Variants in EFHC1 observed in about 807,000 individuals in gnomAD.
The protein encoded by EFHC1 is EF-hand domain containing 1.
Under a neutral mutation model 69.9 loss-of-function variants are expected in EFHC1, and 53 were observed. That is an observed-to-expected ratio of 0.76 (90% CI 0.61 to 0.95). The LOEUF (loss-of-function observed/expected upper bound fraction) is 0.95. Among genes scored for constraint, EFHC1 ranks in the 40% least tolerant of loss-of-function variants. The pLI is 0.00. For synonymous variants in EFHC1, 256 were observed against 278.4 expected, an observed-to-expected ratio of 0.92 and a Z score of 0.80; for missense variants, 739 against 798.7, an observed-to-expected ratio of 0.93 and a Z score of 0.90.
intron 3 of EFHC1, among the ~76,000 whole-genome samples, chr6:52,439,498 T>C (rs904945032): frequency 6.6e-6 from 1 of 152,200 alleles, no homozygotes; most frequent in African/African-American, 2.4e-5. Context: ...TATGACAAGC[T>C]AATAGTGCAC....
chr6:52,479,590 T>C lies in EFHC1; in HGVS notation c.1493-50T>C, dbSNP rs772155755. The C allele has an allele frequency of 1.9e-5, 30 of 1,613,356 alleles. No homozygotes were observed. The South Asian group carries it at 2.1e-4, about 11-fold the overall frequency. On this transcript the variant is annotated intron_variant, in intron 8 of 10. Transcript: ENST00000371068. ...AGGGTTAATACTATTTTACTCCTGA[T>C]TGCGTGAGAGAACATCACCAAGCTA...
At chr6:52,438,229 G>A in intron 2 of EFHC1, 75 bp from the exon 3 acceptor site, 2 of 1,420,488 alleles carry the variant, frequency 1.4e-6, no homozygotes, top group Non-Finnish European at 1.9e-6. Flanking sequence ...CTGTTTTCAG[G>A]AAGGTACTTG....
intron 5 of EFHC1, among the ~76,000 whole-genome samples, chr6:52,455,447 G>C (rs1765022786): frequency 6.6e-6 from 1 of 152,138 alleles, no homozygotes; most frequent in Non-Finnish European, 1.5e-5. Flanking sequence ...GAAGTCAGGA[G>C]ATCGAGACCA....
rs1766084568 is a variant in EFHC1, at chr6:52,497,121, C to G, written c.*4780C>G. 1 of 146,460 alleles carries G rather than the reference C, an allele frequency of 6.8e-6. No homozygotes were observed. Among genetic ancestry groups the G allele is most frequent in the South Asian group, 2.2e-4 (1 of 4,522 alleles). 9.1% of individuals were successfully genotyped at this position (146,460 alleles called of 1,614,324 possible). On this transcript the variant is annotated 3_prime_UTR_variant, in exon 11 of 11. Coordinates refer to ENST00000371068, the MANE Select transcript of EFHC1 (RefSeq NM_018100.4). ...TCTGGAGCTTCCTACCCACAAACCC[C>G]ATGTTAAGAAAACCTCTTTTCCACT...
chr6:52,467,800 A>C (rs1466940731), intron 6 of EFHC1, among the ~76,000 whole-genome samples: 1 of 152,164 alleles, frequency 6.6e-6, no homozygotes, highest in Non-Finnish European at 1.5e-5. Flanking sequence ...AACAAATTCC[A>C]CCTGTCCATG....
chr6:52,450,253 T>C (rs914214010), intron 3 of EFHC1, among the ~76,000 whole-genome samples: 1 of 152,182 alleles, frequency 6.6e-6, no homozygotes, highest in African/African-American at 2.4e-5. Context: ...ATATGTGCCA[T>C]GTGGTGATGA....
intron 9 of EFHC1, chr6:52,482,822 T>G (rs1294435066): frequency 2.5e-6 from 1 of 398,484 alleles, no homozygotes; most frequent in Non-Finnish European, 4.4e-6. Context: ...CACATCCAGA[T>G]TCTCTTGAAA....
rs1477433908 is a variant in EFHC1 at position 52,469,377 on chromosome 6, T to G, written c.1182T>G (p.Ala394=). ...YNGFGLVEDS[A]QNCFALIPKA... ...GTTTTGGACTAGTGGAAGATTCTGC[T>G]CAGAATTGTTTTGCTCTCATTCCAA... The change falls in exon 7 of 11, where the codon GCT becomes GCG. Residue 394 remains alanine, a synonymous_variant. Transcript: ENST00000371068. The G allele has an allele frequency of 6.2e-7, 1 of 1,614,054 alleles. No individual in the cohort carries two copies. Among genetic ancestry groups the G allele is most frequent in the East Asian group, 2.2e-5 (1 of 44,864 alleles).
At chr6:52,420,804 C>G (rs1395001629) in intron 1 of EFHC1, among the ~76,000 whole-genome samples, 1 of 152,054 alleles carries the variant, frequency 6.6e-6, no homozygotes, top group Non-Finnish European at 1.5e-5. Flanking sequence ...CCTCTTGTCC[C>G]TTTAGATCAC....
At chr6:52,438,699 G>C in intron 3 of EFHC1, 108 bp downstream of exon 3, 1 of 1,217,570 alleles carries the variant, frequency 8.2e-7, no homozygotes, top group Non-Finnish European at 1.2e-6. Flanking sequence ...AATCTGTCCT[G>C]CATGAATTAT....
chr6:52,440,795 C>A (rs1011157908), intron 3 of EFHC1, among the ~76,000 whole-genome samples: 1 of 152,032 alleles, frequency 6.6e-6, no homozygotes, highest in Non-Finnish European at 1.5e-5. Context: ...TTGACAGCAC[C>A]TGTTATTTTT....
At chr6:52,424,882 T>G (rs535232123) in intron 2 of EFHC1, among the ~76,000 whole-genome samples, 47 of 152,330 alleles carry the variant, frequency 3.1e-4, no homozygotes, top group Admixed American at 1.4e-3. Context: ...AATTTCCAGA[T>G]GAGCTTTATG....
chr6:52,488,074 A>G (rs1182492564), intron 9 of EFHC1: 1 of 152,192 alleles, frequency 6.6e-6, no homozygotes, highest in Non-Finnish European at 1.5e-5. Flanking sequence ...TATAAAGGGG[A>G]ATGGGAATCT....
At position 52,495,239 on chromosome 6, in the gene EFHC1, T is replaced by C. The variant is rs931690096; in HGVS notation, c.*2898T>C. 2.2e-6 allele frequency: 1 copy of C among 454,096 alleles called. No individual in the cohort carries two copies. Among genetic ancestry groups the C allele is most frequent in the Non-Finnish European group, 4.4e-6 (1 of 226,782 alleles). 28.1% of individuals were successfully genotyped at this position (454,096 alleles called of 1,614,324 possible). A position where few individuals can be genotyped will look rare whatever the true frequency, so the allele number is the denominator to read the frequency against. On this transcript the variant is annotated 3_prime_UTR_variant, in exon 11 of 11. Transcript: ENST00000371068. ...CTCAATCCCTTTCCTTTAGACTGTTTCAGGGGAGAACCAGGTACCCCAAAT... is the reference window on the plus strand; with the variant it reads ...CTCAATCCCTTTCCTTTAGACTGTTCCAGGGGAGAACCAGGTACCCCAAAT...
intron 2 of EFHC1, among the ~76,000 whole-genome samples, chr6:52,433,077 C>A (rs948356413): frequency 6.6e-6 from 1 of 151,704 alleles, no homozygotes; most frequent in Admixed American, 6.6e-5. Flanking sequence ...AAAAAAATTT[C>A]CCTTCACTTC....
intron 1 of EFHC1, 66 bp downstream of exon 1, chr6:52,420,539 T>C (rs1764166552): frequency 6.4e-7 from 1 of 1,564,258 alleles, no homozygotes; most frequent in Non-Finnish European, 8.8e-7. Context: ...GTTTCCCCGC[T>C]CAGTGCACCT....
intron 5 of EFHC1, among the ~76,000 whole-genome samples, chr6:52,460,921 A>C (rs528350313): frequency 6.6e-6 from 1 of 152,374 alleles, no homozygotes; most frequent in Non-Finnish European, 1.5e-5. Flanking sequence ...AGAAAATAGC[A>C]AAGTAGGATA....
intron 3 of EFHC1, among the ~76,000 whole-genome samples, chr6:52,446,192 T>G (rs1415968999): frequency 6.6e-6 from 1 of 152,184 alleles, no homozygotes; most frequent in East Asian, 1.9e-4. Context: ...TGTATGGGAG[T>G]CTAAGTCTCT....
chr6:52,490,906 C>T (rs1765886309), intron 10 of EFHC1: 1 of 156,892 alleles, frequency 6.4e-6, no homozygotes, highest in African/African-American at 2.4e-5. Flanking sequence ...ATTATAAACC[C>T]TTTAGCCAGG....
Sources: allele counts gnomAD v4.1 joint callset (sites outside exome capture counted in the v4.1 genomes callset), GRCh38; gene constraint gnomAD v4.1.1; transcripts MANE v1.5; gene names NCBI Gene and HGNC (gene_info 2026-07-23, HGNC 2026-07-21).